CSPP1: variants seen among roughly 807,000 people sequenced by gnomAD.
CSPP1 encodes centrosome and spindle pole associated protein 1.
A neutral mutation model predicts 164.4 loss-of-function variants in CSPP1; 126 were observed. The ratio of observed to expected loss-of-function variants is 0.77; its 90% CI spans 0.66 to 0.89. The LOEUF (loss-of-function observed/expected upper bound fraction) is 0.89, where lower values mean the gene tolerates loss of function less well. CSPP1 is among the 40% of genes least tolerant of loss of function. CSPP1 has a pLI of 0.00. For synonymous variants in CSPP1, 472 were observed against 476.7 expected (o/e 0.99, Z 0.13); for missense variants, 1,395 against 1,449.8 (o/e 0.96, Z 0.61).
At chr8:67,071,399 A>G (rs1585807424) in intron 1 of CSPP1, among the ~76,000 whole-genome samples, 1 of 149,536 alleles carries the variant, frequency 6.7e-6, no homozygotes, top group African/African-American at 2.5e-5. Context: ...CCCAGCTTCA[A>G]TTCTTCTGTC....
At chr8:67,177,084 A>AG (rs1831869195) in intron 26 of CSPP1, among the ~76,000 whole-genome samples, 1 of 151,914 alleles carries the variant, frequency 6.6e-6, no homozygotes, top group African/African-American at 2.4e-5. Context: ...AAAAAAAAAA[A>AG]AAAAAAAAAG....
intron 24 of CSPP1, among the ~76,000 whole-genome samples, chr8:67,165,473 A>G (rs1829144949): frequency 6.6e-6 from 1 of 152,124 alleles, no homozygotes; most frequent in Admixed American, 6.5e-5. Flanking sequence ...CCTTCTGTTC[A>G]TGGGCCCCAT....
chr8:67,156,721 T>G (rs1367834052), intron 19 of CSPP1, among the ~76,000 whole-genome samples: 1 of 152,228 alleles, frequency 6.6e-6, no homozygotes, highest in Non-Finnish European at 1.5e-5. Flanking sequence ...TCTGTACAAG[T>G]AAGTTCCACA....
At chr8:67,144,424 C>T (rs1473391896) in intron 17 of CSPP1, among the ~76,000 whole-genome samples, 1 of 151,998 alleles carries the variant, frequency 6.6e-6, no homozygotes, top group African/African-American at 2.4e-5. Context: ...GGCCTGATAA[C>T]ATGAATTGGG....
At chr8:67,124,476 GC>G (rs201446720) in intron 15 of CSPP1, among the ~76,000 whole-genome samples, 3,703 of 151,950 alleles carry the variant, frequency 0.024, 168 homozygotes, top group African/African-American at 0.084. Context: ...TATAATTATT[GC>G]CTTATGCAAT....
chr8:67,111,376 C>T (rs1421805527), intron 9 of CSPP1, among the ~76,000 whole-genome samples: 1 of 152,074 alleles, frequency 6.6e-6, no homozygotes, highest in Non-Finnish European at 1.5e-5. Flanking sequence ...TGTACTGGAT[C>T]TATTGGAGCA....
At chr8:67,167,574 C>T (rs1446566808) in intron 24 of CSPP1, among the ~76,000 whole-genome samples, 1 of 151,642 alleles carries the variant, frequency 6.6e-6, no homozygotes, top group East Asian at 1.9e-4. Context: ...CTCCTCACTT[C>T]TCAGACGGGG....
Position 67,111,754 on chromosome 8 carries a change from G to C in CSPP1, c.1094-218G>C, listed in dbSNP as rs138987043. Among the ~76,000 whole-genome samples the C allele has an allele frequency of 5.1e-4, 77 of 152,172 alleles. No individual in the cohort carries two copies. The East Asian group carries it at 0.012, about 24-fold the overall frequency. On this transcript the variant is annotated intron_variant, in intron 9 of 30. Transcript: ENST00000678616. ...ATTTTTGACTAATGGTAGAGGCATG[G>C]GCATGATTACTGTATCTTGTGTTTG...
At chr8:67,147,815 A>G (rs1824900245) in intron 17 of CSPP1, among the ~76,000 whole-genome samples, 2 of 151,976 alleles carry the variant, frequency 1.3e-5, no homozygotes, top group Admixed American at 1.3e-4. Context: ...TGTGTTTCTC[A>G]TCCCTTCATC....
At chr8:67,100,874 C>CT (rs1460870355) in intron 7 of CSPP1, among the ~76,000 whole-genome samples, 7 of 151,620 alleles carry the variant, frequency 4.6e-5, no homozygotes, top group Non-Finnish European at 8.8e-5. Flanking sequence ...AGTGAATTTA[C>CT]TTTTTGTGTT....
At chr8:67,152,870 A>G (rs1825960795) in intron 18 of CSPP1, among the ~76,000 whole-genome samples, 1 of 152,206 alleles carries the variant, frequency 6.6e-6, no homozygotes. Flanking sequence ...CTGAACTGCA[A>G]AGCAATTTGC....
chr8:67,195,586 A>G lies in CSPP1; in HGVS notation c.3674A>G (p.His1225Arg), dbSNP rs765253659. The G allele has an allele frequency of 2.5e-6, 4 of 1,613,976 alleles. No homozygotes were observed. Among genetic ancestry groups the G allele is most frequent in the East Asian group, 2.2e-5 (1 of 44,874 alleles). The change falls in exon 31 of 31, where the codon CAT (histidine) becomes CGT (arginine). Residue 1225 changes from histidine to arginine, a missense_variant. His to Arg is a conservative substitution (Grantham distance 29, BLOSUM62 0). Transcript: ENST00000678616. ...ACTTGGCAGGGCCTGTCGACTGCAC[A>G]TGGTTAAAATAAACCTGTACTGGAC... ...TFTWQGLSTAHG is the reference protein window; with the variant it reads ...TFTWQGLSTARG
intron 21 of CSPP1, 131 bp downstream of exon 21, chr8:67,159,268 T>C: frequency 2.3e-6 from 2 of 853,638 alleles, no homozygotes; most frequent in Non-Finnish European, 3.7e-6. Flanking sequence ...TACTGTTTAG[T>C]CTGGGCACAA....
rs1190282020 is a variant in CSPP1, at chr8:67,158,579, AGAG to A, written c.2375_2377del (p.Arg792_Glu793delinsLys). Reference sequence around the variant, plus strand: ...GTATGAAGAGGAACAGGAAAAGAAAAGAGAGAAAGAGGAGGAGGTACATCTTTT... The same window carrying A: ...GTATGAAGAGGAACAGGAAAAGAAAAAGAAAGAGGAGGAGGTACATCTTTT... On this transcript the variant is annotated inframe_deletion, in exon 20 of 31. Coordinates refer to ENST00000678616, the MANE Select transcript of CSPP1 (RefSeq NM_001382391.1). The A allele has an allele frequency of 6.3e-7, 1 of 1,599,588 alleles. No individual in the cohort carries two copies. The highest frequency in any genetic ancestry group is 1.3e-5 in the African/African-American group (1 of 74,190).
chr8:67,140,323 G>A (rs1190624189), intron 17 of CSPP1, among the ~76,000 whole-genome samples: 2 of 152,106 alleles, frequency 1.3e-5, no homozygotes, highest in Admixed American at 6.5e-5. Context: ...GACCTCAGGT[G>A]TCCCACCCAC....
intron 19 of CSPP1, among the ~76,000 whole-genome samples, chr8:67,154,367 A>T (rs1227768746): frequency 2.0e-5 from 3 of 151,688 alleles, no homozygotes; most frequent in African/African-American, 4.8e-5. Flanking sequence ...TAAATAATTA[A>T]TTTTTTTTAT....
intron 15 of CSPP1, among the ~76,000 whole-genome samples, chr8:67,128,610 A>C (rs1055389007): frequency 1.3e-5 from 2 of 152,040 alleles, no homozygotes; most frequent in African/African-American, 4.8e-5. Flanking sequence ...GGAATGAAGG[A>C]ATACTCTCCG....
chr8:67,182,938 T>C (rs1181196504), intron 28 of CSPP1, among the ~76,000 whole-genome samples: 2 of 152,228 alleles, frequency 1.3e-5, no homozygotes, highest in Non-Finnish European at 2.9e-5. Context: ...GCCTTTTCAC[T>C]GTGTTGATTG....
chr8:67,138,539 G>A (rs1214345486), intron 17 of CSPP1, among the ~76,000 whole-genome samples: 6 of 152,096 alleles, frequency 3.9e-5, no homozygotes, highest in African/African-American at 1.2e-4. Flanking sequence ...TGTGGAACCC[G>A]CAGTTACAAA....
Sources: allele counts gnomAD v4.1 joint callset (sites outside exome capture counted in the v4.1 genomes callset), GRCh38; gene constraint gnomAD v4.1.1; transcripts MANE v1.5; gene names NCBI Gene and HGNC (gene_info 2026-07-23, HGNC 2026-07-21).